The following NAA25 variants were observed in gnomAD, a reference collection of about 807,000 sequenced individuals.
NAA25 encodes the protein N-alpha-acetyltransferase 25, NatB auxiliary subunit, also known as N-terminal acetyltransferase B complex subunit NAA25.
A neutral mutation model predicts 132.5 loss-of-function variants in NAA25; 30 were observed. The ratio of observed to expected loss-of-function variants is 0.23; its 90% CI spans 0.17 to 0.31. The LOEUF (loss-of-function observed/expected upper bound fraction) is 0.31. NAA25 is among the 10% of genes least tolerant of loss of function. The probability of loss-of-function intolerance (pLI) is 1.00; values close to 1 mark genes in which losing one functional copy is unlikely to be tolerated. For synonymous variants in NAA25, 359 were observed against 401.9 expected, an observed-to-expected ratio of 0.89 and a Z score of 1.28; for missense variants, 771 against 1,150.4, an observed-to-expected ratio of 0.67 and a Z score of 4.77.
At chr12:112,080,320 C>T (rs1365266828) in intron 5 of NAA25, among the ~76,000 whole-genome samples, 1 of 150,888 alleles carries the variant, frequency 6.6e-6, no homozygotes, top group Non-Finnish European at 1.5e-5. Context: ...CTCAAAACCC[C>T]TAACTTAAGT....
chr12:112,104,145 A>C (rs1173746891), intron 1 of NAA25, among the ~76,000 whole-genome samples: 1 of 152,208 alleles, frequency 6.6e-6, no homozygotes. Context: ...ACACTGGAAA[A>C]TATCTTACAC....
At chr12:112,044,744 T>C (rs991636001) in intron 17 of NAA25, among the ~76,000 whole-genome samples, 3 of 151,778 alleles carry the variant, frequency 2.0e-5, no homozygotes, top group Admixed American at 6.6e-5. Context: ...TCTCTGATTA[T>C]AAAAATAATA....
chr12:112,045,878 T>C (rs1384385731), intron 17 of NAA25, among the ~76,000 whole-genome samples: 1 of 151,836 alleles, frequency 6.6e-6, no homozygotes, highest in African/African-American at 2.4e-5. Flanking sequence ...AGAGGCTCCA[T>C]CTAAAAAAAA....
In NAA25 at chr12:112,034,140, A is replaced by C. The variant is rs2136798563; in HGVS notation, c.2650-761T>G. 3 of 152,338 alleles carry C rather than the reference A, an allele frequency of 2.0e-5. 1 individual carries two copies. In the South Asian group the frequency reaches 6.2e-4, roughly 32 times the overall value. 9.4% of individuals were successfully genotyped at this position (152,338 alleles called of 1,614,324 possible). A position where few individuals can be genotyped will look rare whatever the true frequency, so the allele number is the denominator to read the frequency against. ...TGAGTACAAATGTATATATGCATAT[A>C]CATTTATTAACTGTATAAATGTATA... On this transcript the variant is annotated intron_variant, in intron 22 of 23. Coordinates refer to ENST00000261745, the MANE Select transcript of NAA25 (RefSeq NM_024953.4).
Position 112,061,296 on chromosome 12 carries a change from A to T in NAA25, c.1242T>A (p.His414Gln), listed in dbSNP as rs2136860452. The change falls in exon 12 of 24, where the codon CAT (histidine) becomes CAA (glutamine). Residue 414 changes from histidine to glutamine, a missense_variant. This residue lies in a region of NAA25 where 417 missense variants were observed against 733.8 expected (regional missense o/e 0.57). Coordinates refer to ENST00000261745, the MANE Select transcript of NAA25 (RefSeq NM_024953.4). The stretch of plus-strand genomic sequence containing the variant: ...ACCTCGTCAGCTGCACCACACACAA[A>T]TGTTGCTGCAGAGCTCTGATGTCAG... ...LPADIRALQQ[H>Q]LCVVQLTRLL... The T allele has an allele frequency of 6.2e-7, 1 of 1,614,140 alleles. No individual in the cohort carries two copies. Among genetic ancestry groups the T allele is most frequent in the Non-Finnish European group, 8.5e-7 (1 of 1,179,970 alleles).
chr12:112,102,312 G>A (rs1244267261), intron 1 of NAA25, among the ~76,000 whole-genome samples: 1 of 152,048 alleles, frequency 6.6e-6, no homozygotes, highest in Non-Finnish European at 1.5e-5. Context: ...GGTCGAAGCT[G>A]CAGTGAGCCA....
chr12:112,108,390 C>G (rs2136955921), intron 1 of NAA25, among the ~76,000 whole-genome samples: 1 of 152,348 alleles, frequency 6.6e-6, no homozygotes, highest in South Asian at 2.1e-4. Flanking sequence ...GGGGAGATCT[C>G]CGGTCTCCCT....
At position 112,081,143 on chromosome 12, in the gene NAA25, G is replaced by A. The variant is rs377616342; in HGVS notation, c.403-9C>T. The A allele has an allele frequency of 6.2e-5, 100 of 1,604,070 alleles. No individual in the cohort carries two copies. The highest frequency in any genetic ancestry group is 3.9e-4 in the Admixed American group (23 of 59,360). On this transcript the variant is annotated splice_polypyrimidine_tract_variant and intron_variant, in intron 4 of 23. Coordinates refer to ENST00000261745, the MANE Select transcript of NAA25 (RefSeq NM_024953.4). ...TATAGAGCCATGCCAGCCTAAAAGA[G>A]AACCATAAATATTTTATTTAGAAAA...
At chr12:112,100,085 T>C (rs1012090361) in intron 1 of NAA25, among the ~76,000 whole-genome samples, 2 of 152,256 alleles carry the variant, frequency 1.3e-5, no homozygotes, top group Non-Finnish European at 2.9e-5. Context: ...GTTAAATACC[T>C]ACCATGTGCA....
At chr12:112,044,588 T>C (rs1244438094) in intron 17 of NAA25, among the ~76,000 whole-genome samples, 2 of 151,834 alleles carry the variant, frequency 1.3e-5, no homozygotes, top group Non-Finnish European at 2.9e-5. Context: ...GAGAATGGCA[T>C]GAACCAGGGA....
At chr12:112,067,808 T>C (rs1172782146) in intron 11 of NAA25, among the ~76,000 whole-genome samples, 1 of 152,222 alleles carries the variant, frequency 6.6e-6, no homozygotes, top group Non-Finnish European at 1.5e-5. Flanking sequence ...TGATCTCAGA[T>C]CACTGCAACC....
chr12:112,051,592 T>C (rs930230960), intron 15 of NAA25, among the ~76,000 whole-genome samples: 1 of 152,158 alleles, frequency 6.6e-6, no homozygotes, highest in African/African-American at 2.4e-5. Flanking sequence ...TTCTTAGCGG[T>C]AATCAAAATA....
chr12:112,100,803 T>C (rs2079284375), intron 1 of NAA25, among the ~76,000 whole-genome samples: 1 of 151,582 alleles, frequency 6.6e-6, no homozygotes, highest in Non-Finnish European at 1.5e-5. Context: ...GTATTTTTAG[T>C]GGAGACGGGG....
intron 4 of NAA25, among the ~76,000 whole-genome samples, chr12:112,086,389 G>A (rs1214136268): frequency 7.9e-5 from 12 of 151,522 alleles, no homozygotes; most frequent in Admixed American, 1.3e-4. Flanking sequence ...CCAGCTACTC[G>A]GGAGGCTGAG....
chr12:112,094,557 T>C (rs1250910432), intron 1 of NAA25, among the ~76,000 whole-genome samples: 4 of 152,198 alleles, frequency 2.6e-5, no homozygotes, highest in Non-Finnish European at 5.9e-5. Context: ...TTAAGTCTAA[T>C]TTGCTGAAGA....
intron 1 of NAA25, among the ~76,000 whole-genome samples, chr12:112,095,972 G>T (rs969712689): frequency 6.6e-6 from 1 of 152,142 alleles, no homozygotes; most frequent in African/African-American, 2.4e-5. Flanking sequence ...ACTATTTACG[G>T]ATTTTAATTA....
At chr12:112,035,826 CA>C (rs1166737603) in intron 22 of NAA25, among the ~76,000 whole-genome samples, 1 of 151,954 alleles carries the variant, frequency 6.6e-6, no homozygotes, top group East Asian at 1.9e-4. Context: ...TGACTACGGG[CA>C]TGTGCCACCA....
chr12:112,041,820 G>A (rs951118111), intron 20 of NAA25, among the ~76,000 whole-genome samples: 2 of 152,134 alleles, frequency 1.3e-5, no homozygotes, highest in Non-Finnish European at 2.9e-5. Flanking sequence ...AGTCAAAAAA[G>A]CATGGATTAC....
intron 5 of NAA25, among the ~76,000 whole-genome samples, chr12:112,079,552 C>A (rs2078940165): frequency 6.6e-6 from 1 of 151,642 alleles, no homozygotes; most frequent in East Asian, 1.9e-4. Flanking sequence ...CATGCCACTG[C>A]ACTCCAGCTT....
Sources: allele counts gnomAD v4.1 joint callset (sites outside exome capture counted in the v4.1 genomes callset), GRCh38; gene constraint gnomAD v4.1.1; regional missense constraint gnomAD v4.1.1; transcripts MANE v1.5; gene names NCBI Gene and HGNC (gene_info 2026-07-23, HGNC 2026-07-21).